FSIP2: variants seen among roughly 807,000 people sequenced by gnomAD.
FSIP2 encodes fibrous sheath interacting protein 2, also known as fibrous sheath-interacting protein 2.
A neutral mutation model predicts 510.5 loss-of-function variants in FSIP2; 367 were observed. The observed-to-expected ratio is 0.72, with a 90% CI of 0.66 to 0.78. FSIP2 has a LOEUF of 0.78. FSIP2 is among the 30% of genes least tolerant of loss of function. The probability of loss-of-function intolerance (pLI) is 0.00; values close to 1 mark genes in which losing one functional copy is unlikely to be tolerated. For missense variants in FSIP2, 7,594 were observed against 7,901.7 expected, an observed-to-expected ratio of 0.96 and a Z score of 1.48; for synonymous variants, 2,601 against 2,732.2, an observed-to-expected ratio of 0.95 and a Z score of 1.50.
In FSIP2 at chr2:185,806,446, G is replaced by A. The variant is rs1341493303; in HGVS notation, c.17140G>A (p.Val5714Ile). ...TGACCAAAGCCCCCCAGGTGATAAT[G>A]TATTAAATGTAATTCAAGAGATTAG... Reference protein sequence around the residue: ...SYDQSPPGDNVLNVIQEISRD... With the variant: ...SYDQSPPGDNILNVIQEISRD... Residue 5714 changes from valine to isoleucine, a missense_variant, in exon 17 of 23, where the codon GTA (valine) becomes ATA (isoleucine). By Grantham distance (29) the Val-to-Ile change is conservative. Coordinates refer to ENST00000424728, the MANE Select transcript of FSIP2 (RefSeq NM_173651.4). The A allele has an allele frequency of 3.1e-6, 5 of 1,611,726 alleles. No individual in the cohort carries two copies. The highest frequency in any genetic ancestry group is 4.2e-6 in the Non-Finnish European group (5 of 1,178,642).
At position 185,808,176 on chromosome 2, in the gene FSIP2, G is replaced by T; in HGVS notation, c.18870G>T (p.Val6290=). Residue 6290 remains valine, a synonymous_variant, in exon 17 of 23, where the codon GTG becomes GTT. Transcript: ENST00000424728. The part of the protein sequence containing the change: ...VLSDTIGFLM[V]NAISNSEFQP... ...CTGATACAATAGGCTTTTTAATGGT[G>T]AATGCAATTTCGAATTCTGAATTTC... 1.9e-6 allele frequency: 3 copies of T among 1,611,662 alleles called. No individual in the cohort carries two copies. Among genetic ancestry groups the T allele is most frequent in the Non-Finnish European group, 2.5e-6 (3 of 1,178,968 alleles).
chr2:185,815,126 A>C (rs1693804413), intron 18 of FSIP2, among the ~76,000 whole-genome samples: 1 of 152,016 alleles, frequency 6.6e-6, no homozygotes, highest in Non-Finnish European at 1.5e-5. Flanking sequence ...ACATTGTTCC[A>C]GGTTTATGTT....
rs374298751 is a variant in FSIP2 at position 185,790,161 on chromosome 2, G to C, written c.3025G>C (p.Asp1009His). The change falls in exon 16 of 23, where the codon GAC (aspartate) becomes CAC (histidine). Residue 1009 changes from aspartate (D) to histidine (H), a missense_variant. Asp to His is a moderately conservative substitution (Grantham distance 81). Coordinates refer to ENST00000424728, the MANE Select transcript of FSIP2 (RefSeq NM_173651.4). The stretch of plus-strand genomic sequence containing the variant: ...TTCTGATGATGAAAATGAGGAAATA[G>C]ACAATATTGTAAAAAATGTGCTTGA... ...LYSDDENEEI[D>H]NIVKNVLDST... 2 of 1,532,494 alleles carry C rather than the reference G, an allele frequency of 1.3e-6. No individual in the cohort carries two copies. The highest frequency in any genetic ancestry group is 1.7e-4 in the Middle Eastern group (1 of 5,976). 94.9% of individuals were successfully genotyped at this position (1,532,494 alleles called of 1,614,324 possible).
Position 185,788,779 on chromosome 2 carries a change from A to G in FSIP2, c.1643A>G (p.Asp548Gly). 6.5e-7 allele frequency: 1 copy of G among 1,534,428 alleles called. No individual in the cohort carries two copies. The highest frequency in any genetic ancestry group is 8.7e-7 in the Non-Finnish European group (1 of 1,145,740). ...AATAATACATACCCAGTATCTGATG[A>G]CTCCATCCTCTCTTCAGATAGTTCA... is the stretch of plus-strand genomic sequence containing the variant. Reference protein sequence around the residue: ...LQNNTYPVSDDSILSSDSSSF... With the variant: ...LQNNTYPVSDGSILSSDSSSF... Residue 548 changes from aspartate (D) to glycine (G), a missense_variant, in exon 16 of 23, where the codon GAC (aspartate) becomes GGC (glycine). Asp to Gly is a moderately conservative substitution (Grantham distance 94). Transcript: ENST00000424728.
In FSIP2 at chr2:185,801,976, A is replaced by C; in HGVS notation, c.12670A>C (p.Met4224Leu). The change falls in exon 17 of 23, where the codon ATG becomes CTG. Residue 4224 changes from methionine to leucine, a missense_variant. By Grantham distance (15) the Met-to-Leu change is conservative. Coordinates refer to ENST00000424728, the MANE Select transcript of FSIP2 (RefSeq NM_173651.4). ...VDSVYCNILQ[M>L]SDSLVSIQKS... ...TTCTGTATATTGTAATATTTTGCAA[A>C]TGTCTGACTCTCTTGTTTCAATACA... 6.6e-7 allele frequency: 1 copy of C among 1,524,030 alleles called. No homozygotes were observed. Among genetic ancestry groups the C allele is most frequent in the Non-Finnish European group, 8.8e-7 (1 of 1,141,564 alleles). The allele number at this position is 1,524,030 out of a possible 1,614,324, so 94.4% of individuals were successfully genotyped here. A position where few individuals can be genotyped will look rare whatever the true frequency, so the allele number is the denominator to read the frequency against.
rs1693233096 is a variant in FSIP2 at position 185,794,965 on chromosome 2, G to A, written c.7829G>A (p.Ser2610Asn). ...AISQAYSYVD[S>N]QNISVMENTL... ...TCACAGGCTTATTCTTATGTCGACA[G>A]TCAAAATATCTCTGTGATGGAAAAC... Residue 2610 changes from serine to asparagine, a missense_variant, in exon 16 of 23, where the codon AGT (serine) becomes AAT (asparagine). Transcript: ENST00000424728. The A allele has an allele frequency of 1.3e-6, 2 of 1,533,572 alleles. No homozygotes were observed. Among genetic ancestry groups the A allele is most frequent in the South Asian group, 1.2e-5 (1 of 83,854 alleles). The allele number at this position is 1,533,572 out of a possible 1,614,324, so 95.0% of individuals were successfully genotyped here.
Position 185,803,945 on chromosome 2 carries a change from T to A in FSIP2, c.14639T>A (p.Ile4880Asn). 6.6e-7 allele frequency: 1 copy of A among 1,510,286 alleles called. No homozygotes were observed. The highest frequency in any genetic ancestry group is 2.5e-5 in the East Asian group (1 of 40,598). The allele number at this position is 1,510,286 out of a possible 1,614,324, so 93.6% of individuals were successfully genotyped here. A position where few individuals can be genotyped will look rare whatever the true frequency, so the allele number is the denominator to read the frequency against. Reference protein sequence around the residue: ...DLSHSNIYQSITKDKKSISDI... With the variant: ...DLSHSNIYQSNTKDKKSISDI... ...TCTCATTCAAATATATACCAGTCCA[T>A]TACAAAAGATAAAAAGAGCATAAGT... Residue 4880 changes from isoleucine to asparagine, a missense_variant, in exon 17 of 23, where the codon ATT becomes AAT. By Grantham distance (149) the Ile-to-Asn change is moderately radical (BLOSUM62 -3). Coordinates refer to ENST00000424728, the MANE Select transcript of FSIP2 (RefSeq NM_173651.4).
chr2:185,745,128 T>A, intron 4 of FSIP2: 1 of 181,410 alleles, frequency 5.5e-6, no homozygotes, highest in Non-Finnish European at 1.1e-5. Context: ...CTTTAATATA[T>A]TTCTAAGTAT....
rs1169925482 is a variant in FSIP2, at chr2:185,796,375, C to A, written c.9239C>A (p.Thr3080Lys). The A allele has an allele frequency of 6.5e-6, 10 of 1,533,544 alleles. No homozygotes were observed. The highest frequency in any genetic ancestry group is 8.7e-6 in the Non-Finnish European group (10 of 1,145,052). 95.0% of individuals were successfully genotyped at this position (1,533,544 alleles called of 1,614,324 possible). ...RVHSFHSQLL[T>K]YAVNIISDML... ...CATTCATTCCATTCACAATTACTTA[C>A]ATATGCTGTTAATATCATCAGTGAC... Residue 3080 changes from threonine to lysine, a missense_variant, in exon 16 of 23, where the codon ACA (threonine) becomes AAA (lysine). Physicochemically the swap from Thr to Lys is moderately conservative, Grantham distance 78. Transcript: ENST00000424728.
In FSIP2 at chr2:185,790,419, A is replaced by AGTG; in HGVS notation, c.3284_3285insTGG (p.Ser1095_Gln1096insGly). 1 of 1,530,236 alleles carries AGTG rather than the reference A, an allele frequency of 6.5e-7. No homozygotes were observed. Among genetic ancestry groups the AGTG allele is most frequent in the Non-Finnish European group, 8.7e-7 (1 of 1,144,654 alleles). The allele number at this position is 1,530,236 out of a possible 1,614,324, so 94.8% of individuals were successfully genotyped here. On this transcript the variant is annotated inframe_insertion, in exon 16 of 23. Coordinates refer to ENST00000424728, the MANE Select transcript of FSIP2 (RefSeq NM_173651.4). Reference sequence around the variant, plus strand: ...TTCGAATAAAGACATTTCAACTTTCAGCCAAGATCAAAAGCATCAAATAGA... The same window carrying AGTG: ...TTCGAATAAAGACATTTCAACTTTCAGTGGCCAAGATCAAAAGCATCAAATAGA...
intron 21 of FSIP2, among the ~76,000 whole-genome samples, chr2:185,830,770 G>C (rs973503694): frequency 6.6e-6 from 1 of 151,714 alleles, no homozygotes; most frequent in Non-Finnish European, 1.5e-5. Flanking sequence ...AAGGCCAACT[G>C]TATGTCTACT....
rs550313999 is a variant in FSIP2, at chr2:185,789,239, A to G, written c.2103A>G (p.Lys701=). Reference sequence around the variant, plus strand: ...TTGTTAACTTTAAATGTTACTTGAAAGGGGAAACTGAAGTGATTTTAGAAA... The same window carrying G: ...TTGTTAACTTTAAATGTTACTTGAAGGGGGAAACTGAAGTGATTTTAGAAA... The part of the protein sequence containing the change: ...NVFVNFKCYL[K]GETEVILESI... The change falls in exon 16 of 23, where the codon AAA becomes AAG. Residue 701 remains lysine, a synonymous_variant. Coordinates refer to ENST00000424728, the MANE Select transcript of FSIP2 (RefSeq NM_173651.4). 13 of 1,534,590 alleles carry G rather than the reference A, an allele frequency of 8.5e-6. No homozygotes were observed. The African/African-American group carries it at 1.4e-4, about 16-fold the overall frequency.
rs919227424 is a variant in FSIP2 at position 185,791,737 on chromosome 2, C to T, written c.4601C>T (p.Thr1534Ile). The change falls in exon 16 of 23, where the codon ACC becomes ATC. Residue 1534 changes from threonine (T) to isoleucine (I), a missense_variant. By Grantham distance (89) the Thr-to-Ile change is moderately conservative. Coordinates refer to ENST00000424728, the MANE Select transcript of FSIP2 (RefSeq NM_173651.4). ...ATTATTGAGAAAATGGCCAAATCCA[C>T]CAAAATAATCTCCAGCATAGTTTCC... The part of the protein sequence containing the change: ...ASIIEKMAKS[T>I]KIISSIVSRR... 2.6e-6 allele frequency: 4 copies of T among 1,534,300 alleles called. No homozygotes were observed. The highest frequency in any genetic ancestry group is 1.7e-4 in the Middle Eastern group (1 of 6,002).
At position 185,808,180 on chromosome 2, in the gene FSIP2, G is replaced by A. The variant is rs775969988; in HGVS notation, c.18874G>A (p.Ala6292Thr). The change falls in exon 17 of 23, where the codon GCA becomes ACA. Residue 6292 changes from alanine (A) to threonine (T), a missense_variant. Coordinates refer to ENST00000424728, the MANE Select transcript of FSIP2 (RefSeq NM_173651.4). ...SDTIGFLMVN[A>T]ISNSEFQPQV... ...TACAATAGGCTTTTTAATGGTGAAT[G>A]CAATTTCGAATTCTGAATTTCAACC... The A allele has an allele frequency of 1.4e-5, 23 of 1,611,720 alleles. No homozygotes were observed. The highest frequency in any genetic ancestry group is 2.0e-5 in the Non-Finnish European group (23 of 1,178,972).
Position 185,806,718 on chromosome 2 carries a change from A to G in FSIP2, c.17412A>G (p.Pro5804=). 1 of 1,608,716 alleles carries G rather than the reference A, an allele frequency of 6.2e-7. No individual in the cohort carries two copies. Among genetic ancestry groups the G allele is most frequent in the African/African-American group, 1.3e-5 (1 of 74,708 alleles). The change falls in exon 17 of 23, where the codon CCA becomes CCG. Residue 5804 remains proline, a synonymous_variant. Transcript: ENST00000424728. ...AACAATTGATCTTTTCTTCTATACC[A>G]GAAACACAAATACAAGATAGATGTC... The part of the protein sequence containing the change: ...MVKQLIFSSI[P]ETQIQDRCQN...
At chr2:185,764,647 GT>G in intron 13 of FSIP2, 82 bp downstream of exon 13, 1 of 957,686 alleles carries the variant, frequency 1.0e-6, no homozygotes, top group Non-Finnish European at 1.6e-6. Context: ...TTTGCTTCAT[GT>G]TAGATATGGT....
At chr2:185,738,727 G>T, upstream of FSIP2, 2 of 1,536,056 alleles carry the variant, frequency 1.3e-6, no homozygotes, top group Non-Finnish European at 1.7e-6. Flanking sequence ...CCCTCAGGAG[G>T]CCACCGCCCT....
intron 17 of FSIP2, among the ~76,000 whole-genome samples, chr2:185,812,039 C>A (rs1197426653): frequency 6.6e-6 from 1 of 152,096 alleles, no homozygotes; most frequent in Non-Finnish European, 1.5e-5. Context: ...CACAGAGTCT[C>A]CACTGGGGCA....
At chr2:185,760,703 A>C (rs1474829419) in intron 9 of FSIP2, among the ~76,000 whole-genome samples, 1 of 150,500 alleles carries the variant, frequency 6.6e-6, no homozygotes, top group African/African-American at 2.4e-5. Context: ...GAAGCCAGGG[A>C]AATATGAAAT....
Sources: gnomAD v4.1 joint callset for allele counts (sites outside exome capture counted in the v4.1 genomes callset) on GRCh38, gnomAD v4.1.1 for gene constraint, MANE v1.5 for transcripts, NCBI Gene and HGNC (gene_info 2026-07-23, HGNC 2026-07-21) for gene names.